The following ADAM23 variants were observed in gnomAD, a reference collection of about 807,000 sequenced individuals.
The protein encoded by ADAM23 is disintegrin and metalloproteinase domain-containing protein 23.
ADAM23 carries 33 observed loss-of-function variants against 120.1 expected under a neutral mutation model. The observed-to-expected ratio is 0.27, with a 90% CI of 0.21 to 0.37. ADAM23 has a LOEUF of 0.37. ADAM23 is among the 10% of genes least tolerant of loss of function. ADAM23 has a pLI of 1.00. For synonymous variants in ADAM23, 367 were observed against 375.2 expected (o/e 0.98, Z 0.25); for missense variants, 862 against 1,058.2 (o/e 0.81, Z 2.57).
At chr2:206,585,411 C>A (rs1698302602) in intron 18 of ADAM23, among the ~76,000 whole-genome samples, 1 of 152,162 alleles carries the variant, frequency 6.6e-6, no homozygotes, top group Admixed American at 6.5e-5. Flanking sequence ...TGAATACTCA[C>A]CAGATTGAAA....
At chr2:206,447,630 C>T (rs1255935070) in intron 2 of ADAM23, among the ~76,000 whole-genome samples, 1 of 152,172 alleles carries the variant, frequency 6.6e-6, no homozygotes, top group Non-Finnish European at 1.5e-5. Flanking sequence ...CTTAGGATGA[C>T]TTGCTTAATA....
chr2:206,534,743 C>T (rs147897136), intron 4 of ADAM23, among the ~76,000 whole-genome samples: 3 of 152,280 alleles, frequency 2.0e-5, no homozygotes, highest in Non-Finnish European at 2.9e-5. Context: ...CTTCTGCTTA[C>T]GTCAGCAGTC....
intron 4 of ADAM23, 146 bp from the exon 5 acceptor site, chr2:206,541,906 G>A (rs1697296727): frequency 1.3e-6 from 1 of 750,738 alleles, no homozygotes; most frequent in Non-Finnish European, 2.2e-6. Flanking sequence ...AGTCTTATTT[G>A]CAACTTTATA....
In ADAM23 at chr2:206,617,823, A is replaced by G. The variant is rs1459660714; in HGVS notation, c.*196A>G. The G allele has an allele frequency of 2.5e-6, 3 of 1,196,524 alleles. No individual in the cohort carries two copies. Among genetic ancestry groups the G allele is most frequent in the East Asian group, 2.9e-5 (1 of 34,802 alleles). 74.1% of individuals were successfully genotyped at this position (1,196,524 alleles called of 1,614,324 possible). On this transcript the variant is annotated 3_prime_UTR_variant, in exon 26 of 26. Coordinates refer to ENST00000264377, the MANE Select transcript of ADAM23 (RefSeq NM_003812.4). ...GAAATAATGTCAAAGAACACCTTTC[A>G]CCACCTGTCAGTAAACGGGGGAGGG...
intron 3 of ADAM23, among the ~76,000 whole-genome samples, chr2:206,492,301 G>C (rs1239052296): frequency 6.6e-6 from 1 of 152,148 alleles, no homozygotes; most frequent in Non-Finnish European, 1.5e-5. Flanking sequence ...GGGGGAGAGA[G>C]TGTGGAGGCC....
intron 5 of ADAM23, among the ~76,000 whole-genome samples, chr2:206,542,569 A>G (rs1697313973): frequency 1.3e-5 from 2 of 152,146 alleles, no homozygotes; most frequent in Non-Finnish European, 2.9e-5. Flanking sequence ...GGGTTCGCAC[A>G]TTGACCTAGG....
intron 1 of ADAM23, 103 bp from the exon 2 acceptor site, chr2:206,445,204 T>G: frequency 1.2e-6 from 1 of 828,540 alleles, no homozygotes; most frequent in Non-Finnish European, 1.9e-6. Context: ...TGTTTGAAAT[T>G]AAAGGAAAAA....
rs541219703 is a variant in ADAM23, at chr2:206,564,224, C to T, written c.1346-796C>T. Among the ~76,000 whole-genome samples the T allele has an allele frequency of 8.3e-4, 125 of 151,232 alleles. 6 individuals are homozygous for T. The highest frequency in any genetic ancestry group is 3.5e-4 in the Non-Finnish European group (24 of 67,838). ...TATATTGCTCTCTCTATCGATATAT[C>T]GATAGAGAGAGAGGCATAGAAAAGA... On this transcript the variant is annotated intron_variant, in intron 13 of 25. Transcript: ENST00000264377.
intron 4 of ADAM23, among the ~76,000 whole-genome samples, chr2:206,536,107 C>T (rs1486540868): frequency 6.6e-6 from 1 of 152,160 alleles, no homozygotes; most frequent in East Asian, 1.9e-4. Context: ...CATTCCTGTT[C>T]ATTCATTAAA....
chr2:206,528,151 G>A (rs548200398), intron 3 of ADAM23, among the ~76,000 whole-genome samples: 3 of 152,286 alleles, frequency 2.0e-5, no homozygotes, highest in Non-Finnish European at 1.5e-5. Flanking sequence ...TAAATTACCT[G>A]TAGAGAGACA....
chr2:206,497,215 A>G (rs1334793660), intron 3 of ADAM23, among the ~76,000 whole-genome samples: 1 of 152,186 alleles, frequency 6.6e-6, no homozygotes, highest in African/African-American at 2.4e-5. Context: ...AGAATTTTAG[A>G]CCAATATCCT....
intron 25 of ADAM23, among the ~76,000 whole-genome samples, chr2:206,611,852 C>G (rs1243970776): frequency 1.3e-5 from 2 of 152,122 alleles, no homozygotes; most frequent in African/African-American, 2.4e-5. Context: ...AGAGAGATCT[C>G]GTTATCACAA....
intron 18 of ADAM23, among the ~76,000 whole-genome samples, chr2:206,580,285 G>A (rs969473020): frequency 9.2e-5 from 14 of 152,100 alleles, no homozygotes; most frequent in Non-Finnish European, 1.5e-5. Context: ...GGGCATCCTT[G>A]TCTTGTTCCA....
At chr2:206,565,755 C>A (rs1574537538) in intron 14 of ADAM23, among the ~76,000 whole-genome samples, 1 of 152,152 alleles carries the variant, frequency 6.6e-6, no homozygotes, top group East Asian at 1.9e-4. Context: ...GTTTCCTCAC[C>A]CATGTGCCTC....
intron 2 of ADAM23, among the ~76,000 whole-genome samples, chr2:206,456,988 G>T (rs1254540309): frequency 6.6e-6 from 1 of 152,124 alleles, no homozygotes; most frequent in Non-Finnish European, 1.5e-5. Flanking sequence ...TTGTAAGCAG[G>T]CCTGCTAATA....
chr2:206,459,728 A>G (rs13422806), intron 2 of ADAM23, among the ~76,000 whole-genome samples: 9,934 of 152,254 alleles, frequency 0.065, 785 homozygotes, highest in African/African-American at 0.19. Context: ...TGATTGTACT[A>G]TCATCTACCC....
chr2:206,445,858 A>G (rs1409670040), intron 2 of ADAM23, among the ~76,000 whole-genome samples: 2 of 152,226 alleles, frequency 1.3e-5, no homozygotes, highest in African/African-American at 2.4e-5. Flanking sequence ...AGGGTGCAGT[A>G]TTCTGCCTTG....
intron 3 of ADAM23, among the ~76,000 whole-genome samples, chr2:206,484,469 C>G (rs1695963718): frequency 6.6e-6 from 1 of 152,106 alleles, no homozygotes; most frequent in South Asian, 2.1e-4. Flanking sequence ...TGCTTTGTCA[C>G]TGCAGAGTGT....
chr2:206,479,532 T>C (rs1211271564), intron 2 of ADAM23, among the ~76,000 whole-genome samples: 1 of 152,222 alleles, frequency 6.6e-6, no homozygotes, highest in African/African-American at 2.4e-5. Flanking sequence ...AAATCTCTCC[T>C]TGTACAAATT....
Sources: gnomAD v4.1 joint callset for allele counts (sites outside exome capture counted in the v4.1 genomes callset) on GRCh38, gnomAD v4.1.1 for gene constraint, MANE v1.5 for transcripts, NCBI Gene and HGNC (gene_info 2026-07-23, HGNC 2026-07-21) for gene names.